The following SLC45A4 variants were observed in gnomAD, a reference collection of about 807,000 sequenced individuals.
SLC45A4 encodes polyamine-transporter SLC45A4.
In SLC45A4, 32 loss-of-function variants were observed where a neutral mutation model predicts 63.7. That is an observed-to-expected ratio of 0.50 (90% CI 0.38 to 0.67). The LOEUF is 0.67. Among genes scored for constraint, SLC45A4 ranks in the 30% least tolerant of loss-of-function variants. The pLI is 0.00. For synonymous variants in SLC45A4, 535 were observed against 510.0 expected (o/e 1.05, Z -0.66); for missense variants, 1,027 against 1,157.7 (o/e 0.89, Z 1.64).
rs755860802 is a variant in SLC45A4 at position 141,211,572 on chromosome 8, C to T, written c.2427G>A (p.Ter809=). ...GAGGAAAAGAAGATACGTCATTCTT[C>T]TAAGAGAACCACATTGTGGAAAAGA... ...KIFFSTMWFS[*] Residue 809 remains the stop codon, a stop_retained_variant, in exon 9 of 9, where the codon TAG becomes TAA. Transcript: ENST00000517878. The T allele has an allele frequency of 6.2e-7, 1 of 1,613,290 alleles. No homozygotes were observed. The highest frequency in any genetic ancestry group is 8.5e-7 in the Non-Finnish European group (1 of 1,179,954).
At position 141,308,147 on chromosome 8, in the gene SLC45A4, G is replaced by A; in HGVS notation, c.-452C>T. 6.8e-6 allele frequency: 1 copy of A among 147,882 alleles called. No individual in the cohort carries two copies. The highest frequency in any genetic ancestry group is 1.5e-5 in the Non-Finnish European group (1 of 66,026). The allele number at this position is 147,882 out of a possible 1,614,324, so 9.2% of individuals were successfully genotyped here. On this transcript the variant is annotated 5_prime_UTR_variant, in exon 1 of 9. Coordinates refer to ENST00000517878, the MANE Select transcript of SLC45A4 (RefSeq NM_001286646.2). ...GGCGGCGGGGCGGCCGGGCCGGGCC[G>A]GGCAGGGGCTACGGGGGCGCGGAGC...
chr8:141,277,275 G>A (rs763467542), intron 1 of SLC45A4, among the ~76,000 whole-genome samples: 21 of 152,210 alleles, frequency 1.4e-4, no homozygotes, highest in African/African-American at 3.9e-4. Flanking sequence ...GGCGAGGACC[G>A]GAATGAAAGG....
At chr8:141,284,793 C>T (rs1427289208) in intron 1 of SLC45A4, among the ~76,000 whole-genome samples, 1 of 152,144 alleles carries the variant, frequency 6.6e-6, no homozygotes, top group Non-Finnish European at 1.5e-5. Context: ...GCAGGAGGCT[C>T]CTTGCCCCTC....
chr8:141,239,596 ACACG>A (rs1024844730), intron 2 of SLC45A4, among the ~76,000 whole-genome samples: 8 of 149,050 alleles, frequency 5.4e-5, no homozygotes, highest in Admixed American at 2.7e-4. Context: ...ACACACACAC[ACACG>A]CACGCACACA....
intron 6 of SLC45A4, among the ~76,000 whole-genome samples, chr8:141,216,306 C>T (rs1340020326): frequency 1.3e-5 from 2 of 152,246 alleles, no homozygotes; most frequent in African/African-American, 4.8e-5. Context: ...GGCCGTACAC[C>T]CAGGACGATT....
At position 141,217,883 on chromosome 8, in the gene SLC45A4, G is replaced by A. The variant is rs929620817; in HGVS notation, c.1629+128C>T. The stretch of plus-strand genomic sequence containing the variant: ...TGCCGCGGGTCCCTCACCTGCACGG[G>A]AGGCACTGTGTGGCCTCCCTGACAC... On this transcript the variant is annotated intron_variant, in intron 5 of 8. Transcript: ENST00000517878. 9 of 1,186,350 alleles carry A rather than the reference G, an allele frequency of 7.6e-6. No individual in the cohort carries two copies. The African/African-American group carries it at 1.4e-4, about 18-fold the overall frequency. 73.5% of individuals were successfully genotyped at this position (1,186,350 alleles called of 1,614,324 possible). A position where few individuals can be genotyped will look rare whatever the true frequency, so the allele number is the denominator to read the frequency against.
chr8:141,248,884 G>T (rs1404286202), intron 2 of SLC45A4, among the ~76,000 whole-genome samples: 2 of 151,998 alleles, frequency 1.3e-5, no homozygotes, highest in Admixed American at 1.3e-4. Flanking sequence ...GGGCGTGGTG[G>T]TGCACACCTG....
intron 1 of SLC45A4, among the ~76,000 whole-genome samples, chr8:141,267,428 C>T (rs1009533644): frequency 3.9e-5 from 6 of 152,354 alleles, no homozygotes; most frequent in Non-Finnish European, 7.3e-5. Context: ...AAGCCCTGTG[C>T]GGGCAAGAAT....
At chr8:141,236,115 CAAAA>C in intron 2 of SLC45A4, among the ~76,000 whole-genome samples, 1 of 148,280 alleles carries the variant, frequency 6.7e-6, no homozygotes, top group Non-Finnish European at 1.5e-5. Flanking sequence ...AAAACAAAAA[CAAAA>C]ACAAACATGA....
chr8:141,248,404 TAA>T, intron 2 of SLC45A4, among the ~76,000 whole-genome samples: 1 of 151,926 alleles, frequency 6.6e-6, no homozygotes, highest in East Asian at 1.9e-4. Flanking sequence ...TCCATCTCCC[TAA>T]AAAATTTAAA....
At chr8:141,289,194 C>T (rs1010144356) in intron 1 of SLC45A4, among the ~76,000 whole-genome samples, 2 of 152,020 alleles carry the variant, frequency 1.3e-5, no homozygotes, top group South Asian at 2.1e-4. Flanking sequence ...GGGGCAGAGG[C>T]GGGGATGGCG....
intron 6 of SLC45A4, among the ~76,000 whole-genome samples, chr8:141,216,866 T>C (rs566649838): frequency 1.6e-3 from 246 of 152,312 alleles, no homozygotes; most frequent in Non-Finnish European, 3.0e-3. Flanking sequence ...CAAAAGGGTC[T>C]CAGAACCACA....
At chr8:141,252,001 T>C (rs1275874356) in intron 2 of SLC45A4, among the ~76,000 whole-genome samples, 2 of 144,234 alleles carry the variant, frequency 1.4e-5, no homozygotes, top group African/African-American at 5.1e-5. Context: ...CGAGGCTGAG[T>C]GAGCGCTCAC....
intron 1 of SLC45A4, among the ~76,000 whole-genome samples, chr8:141,304,798 C>A (rs368022539): frequency 6.6e-6 from 1 of 152,184 alleles, no homozygotes; most frequent in Admixed American, 6.5e-5. Context: ...AACCCATCCA[C>A]GGCTCTCAAA....
chr8:141,268,445 G>A (rs1829372184), intron 1 of SLC45A4, among the ~76,000 whole-genome samples: 2 of 152,164 alleles, frequency 1.3e-5, no homozygotes, highest in African/African-American at 4.8e-5. Flanking sequence ...CGTGACCTCC[G>A]CACTGGGGTG....
intron 1 of SLC45A4, among the ~76,000 whole-genome samples, chr8:141,269,464 CTGTG>C (rs10573168): frequency 0.4 from 58,918 of 147,142 alleles, 12,328 homozygotes; most frequent in African/African-American, 0.58. Context: ...GCCTATGTGT[CTGTG>C]TGTGTGTGTG....
At chr8:141,257,357 G>A (rs1192195222) in intron 1 of SLC45A4, among the ~76,000 whole-genome samples, 1 of 152,160 alleles carries the variant, frequency 6.6e-6, no homozygotes, top group Non-Finnish European at 1.5e-5. Flanking sequence ...CTTCCACCAG[G>A]TAAGAAGAGT....
Position 141,211,544 on chromosome 8 carries a change from G to A in SLC45A4, c.*28C>T, listed in dbSNP as rs775296092. 5.6e-6 allele frequency: 9 copies of A among 1,613,094 alleles called. No homozygotes were observed. The highest frequency in any genetic ancestry group is 2.2e-5 in the South Asian group (2 of 91,014). On this transcript the variant is annotated 3_prime_UTR_variant, in exon 9 of 9. Coordinates refer to ENST00000517878, the MANE Select transcript of SLC45A4 (RefSeq NM_001286646.2). ...GCCCTGGGCACAATGTGTCCAACTC[G>A]CTGAGGAAAAGAAGATACGTCATTC...
At chr8:141,219,505 T>C in intron 4 of SLC45A4, 145 bp downstream of exon 4, 1 of 1,054,906 alleles carries the variant, frequency 9.5e-7, no homozygotes, top group East Asian at 2.7e-5. Flanking sequence ...CCTGGTTACC[T>C]TCCAGCCCTA....
Sources: gnomAD v4.1 joint callset for allele counts (sites outside exome capture counted in the v4.1 genomes callset) on GRCh38, gnomAD v4.1.1 for gene constraint, MANE v1.5 for transcripts, NCBI Gene and HGNC (gene_info 2026-07-23, HGNC 2026-07-21) for gene names.